EGFLAM: variants seen among roughly 807,000 people sequenced by gnomAD.
EGFLAM encodes the protein pikachurin.
EGFLAM carries 79 observed loss-of-function variants against 113.1 expected under a neutral mutation model. The observed-to-expected ratio is 0.70, with a 90% CI of 0.58 to 0.84. The LOEUF is 0.84. EGFLAM is among the 40% of genes least tolerant of loss of function. The pLI, the probability that EGFLAM is intolerant of heterozygous loss-of-function variation, is 0.00. For missense variants in EGFLAM, 1,265 were observed against 1,291.6 expected, an observed-to-expected ratio of 0.98 and a Z score of 0.32; for synonymous variants, 504 against 487.6, an observed-to-expected ratio of 1.03 and a Z score of -0.44.
chr5:38,279,301 G>T (rs906542160), intron 1 of EGFLAM, among the ~76,000 whole-genome samples: 1 of 152,178 alleles, frequency 6.6e-6, no homozygotes, highest in African/African-American at 2.4e-5. Flanking sequence ...ATTATGGAAA[G>T]CAGTATGGAG....
intron 1 of EGFLAM, among the ~76,000 whole-genome samples, chr5:38,273,812 A>G (rs1757822240): frequency 6.6e-6 from 1 of 152,222 alleles, no homozygotes. Context: ...GACCAAAATG[A>G]TCAAGAACAA....
intron 1 of EGFLAM, among the ~76,000 whole-genome samples, chr5:38,278,906 C>T (rs1342540997): frequency 6.6e-6 from 1 of 152,030 alleles, no homozygotes; most frequent in African/African-American, 2.4e-5. Flanking sequence ...AGGGAACAAA[C>T]ATTCAACAGA....
At chr5:38,371,466 G>A (rs760535563) in intron 6 of EGFLAM, among the ~76,000 whole-genome samples, 4 of 152,124 alleles carry the variant, frequency 2.6e-5, no homozygotes, top group East Asian at 1.9e-4. Context: ...GTGTTCAGGG[G>A]TAGAGATTCA....
At chr5:38,280,409 G>GC (rs1317637395) in intron 1 of EGFLAM, among the ~76,000 whole-genome samples, 2 of 152,242 alleles carry the variant, frequency 1.3e-5, no homozygotes, top group South Asian at 4.1e-4. Context: ...CTACTCCTTT[G>GC]CCCCCTGGCT....
intron 19 of EGFLAM, among the ~76,000 whole-genome samples, chr5:38,456,594 C>T (rs1445094803): frequency 1.3e-5 from 2 of 152,154 alleles, no homozygotes; most frequent in Non-Finnish European, 2.9e-5. Context: ...CAAGTCACCC[C>T]AAGTCCTATT....
intron 1 of EGFLAM, among the ~76,000 whole-genome samples, chr5:38,298,076 C>G (rs1459059307): frequency 6.6e-6 from 1 of 151,990 alleles, no homozygotes; most frequent in African/African-American, 2.4e-5. Context: ...TGTGAAGACT[C>G]CGGAAACATC....
intron 1 of EGFLAM, among the ~76,000 whole-genome samples, chr5:38,303,874 G>A (rs1482721705): frequency 1.3e-5 from 2 of 152,138 alleles, no homozygotes; most frequent in African/African-American, 4.8e-5. Context: ...GGTGGCTCAT[G>A]CCTGTAACCT....
intron 1 of EGFLAM, among the ~76,000 whole-genome samples, chr5:38,322,604 C>T (rs1738772013): frequency 6.6e-6 from 1 of 152,120 alleles, no homozygotes; most frequent in Non-Finnish European, 1.5e-5. Context: ...TAATCCAGTG[C>T]ATTGACTAGG....
chr5:38,391,484 A>G (rs111939920), intron 6 of EGFLAM, among the ~76,000 whole-genome samples: 99 of 151,036 alleles, frequency 6.6e-4, no homozygotes, highest in Middle Eastern at 3.4e-3. Flanking sequence ...TGCAACCTCA[A>G]ACCTCCTGGG....
intron 4 of EGFLAM, among the ~76,000 whole-genome samples, chr5:38,351,387 G>T (rs2434498): frequency 0.3 from 45,094 of 151,874 alleles, 7,597 homozygotes; most frequent in African/African-American, 0.46. Flanking sequence ...GATTACAGGC[G>T]TAAGCCACCG....
intron 6 of EGFLAM, among the ~76,000 whole-genome samples, chr5:38,396,063 T>TTTTTTTTTTTTTTTTTTTTTTTAG (rs1482050151): frequency 2.6e-5 from 4 of 152,070 alleles, no homozygotes; most frequent in Non-Finnish European, 2.9e-5. Context: ...ACCCACTCTT[T>TTTTTTTTTTTTTTTTTTTTTTTAG]AAAAGCCTCC....
In EGFLAM at chr5:38,304,464, C is replaced by T. The variant is rs537701593; in HGVS notation, c.98-33056C>T. Among the ~76,000 whole-genome samples the T allele has an allele frequency of 9.2e-5, 14 of 152,296 alleles. No homozygotes were observed. In the South Asian group the frequency reaches 1.2e-3, roughly 14 times the overall value. On this transcript the variant is annotated intron_variant, in intron 1 of 21. Coordinates refer to ENST00000322350, the MANE Select transcript of EGFLAM (RefSeq NM_152403.4). Reference sequence around the variant, plus strand: ...CTGAAAAGTATATATACATGGGATGCGGAGACCTCAGTCTTCTTCCCTGCT... The same window carrying T: ...CTGAAAAGTATATATACATGGGATGTGGAGACCTCAGTCTTCTTCCCTGCT...
chr5:38,289,524 G>T (rs1211448693), intron 1 of EGFLAM, among the ~76,000 whole-genome samples: 1 of 152,180 alleles, frequency 6.6e-6, no homozygotes, highest in Non-Finnish European at 1.5e-5. Flanking sequence ...AGTGACCCAA[G>T]CTCCACTACT....
intron 1 of EGFLAM, among the ~76,000 whole-genome samples, chr5:38,291,959 C>A (rs1262601225): frequency 6.6e-6 from 1 of 152,152 alleles, no homozygotes; most frequent in Non-Finnish European, 1.5e-5. Flanking sequence ...ATCAATGGCC[C>A]CAGCCTCGTC....
chr5:38,315,891 C>T (rs1007485179), intron 1 of EGFLAM, among the ~76,000 whole-genome samples: 1 of 152,076 alleles, frequency 6.6e-6, no homozygotes, highest in Non-Finnish European at 1.5e-5. Context: ...GCCTGTCCAA[C>T]ATGGTGAAAC....
At chr5:38,385,253 T>C (rs1280588033) in intron 6 of EGFLAM, among the ~76,000 whole-genome samples, 1 of 149,336 alleles carries the variant, frequency 6.7e-6, no homozygotes, top group Non-Finnish European at 1.5e-5. Context: ...TCATGGAGAA[T>C]TGATTCAAGG....
chr5:38,312,280 C>T (rs1360443484), intron 1 of EGFLAM, among the ~76,000 whole-genome samples: 5 of 149,258 alleles, frequency 3.3e-5, no homozygotes, highest in Admixed American at 6.7e-5. Flanking sequence ...CTCGCTCTGT[C>T]GCCCAGGCTG....
intron 19 of EGFLAM, among the ~76,000 whole-genome samples, chr5:38,456,410 C>A (rs1743088745): frequency 6.6e-6 from 1 of 152,170 alleles, no homozygotes; most frequent in Non-Finnish European, 1.5e-5. Context: ...TTTCTGCCCA[C>A]CAGCAACTCG....
At chr5:38,398,645 G>A (rs1325229797) in intron 6 of EGFLAM, among the ~76,000 whole-genome samples, 12 of 152,234 alleles carry the variant, frequency 7.9e-5, no homozygotes, top group African/African-American at 2.2e-4. Flanking sequence ...AACATTGAAA[G>A]AAGAGCCAGC....
Sources: allele counts gnomAD v4.1 joint callset (sites outside exome capture counted in the v4.1 genomes callset), GRCh38; gene constraint gnomAD v4.1.1; transcripts MANE v1.5; gene names NCBI Gene and HGNC (gene_info 2026-07-23, HGNC 2026-07-21).